Variants in EIF3D observed in about 807,000 individuals in gnomAD.
The protein encoded by EIF3D is eIF3 p66.
Under a neutral mutation model 75.4 loss-of-function variants are expected in EIF3D, and 10 were observed. The observed-to-expected ratio is 0.13, with a 90% CI of 0.08 to 0.22. The LOEUF (loss-of-function observed/expected upper bound fraction) is 0.22. Among genes scored for constraint, EIF3D ranks in the 10% least tolerant of loss-of-function variants. The pLI is 1.00. For synonymous variants in EIF3D, 246 were observed against 248.3 expected (o/e 0.99, Z 0.09); for missense variants, 394 against 708.0 (o/e 0.56, Z 5.03).
intron 10 of EIF3D, 156 bp from the exon 11 acceptor site, chr22:36,516,946 G>T: frequency 1.4e-6 from 1 of 691,228 alleles, no homozygotes; most frequent in Non-Finnish European, 2.6e-6. Flanking sequence ...GTGCCTACTT[G>T]ACCCCTCCCA....
Position 36,526,083 on chromosome 22 carries a change from G to T in EIF3D, c.39C>A (p.Pro13=). The T allele has an allele frequency of 1.9e-6, 3 of 1,612,882 alleles. No individual in the cohort carries two copies. Among genetic ancestry groups the T allele is most frequent in the Non-Finnish European group, 2.5e-6 (3 of 1,179,412 alleles). ...GAACCGCACAGGGACCCCAGCCTGA[G>T]GGGTTGTCCTGGATCACGGGTGTCA... is the stretch of plus-strand genomic sequence containing the variant. ...KFMTPVIQDN[P]SGWGPCAVPE... Residue 13 remains proline (P), a synonymous_variant, in exon 2 of 15, where the codon CCC becomes CCA. Transcript: ENST00000216190.
At chr22:36,513,979 A>G (rs73411751) in intron 12 of EIF3D, among the ~76,000 whole-genome samples, 6,309 of 152,266 alleles carry the variant, frequency 0.041, 444 homozygotes, top group African/African-American at 0.15. Context: ...CAGTTAGGAG[A>G]CAAATGTCAA....
Position 36,525,243 on chromosome 22 carries a change from T to A in EIF3D, c.169+421A>T, listed in dbSNP as rs1029961997. Among the ~76,000 whole-genome samples the A allele has an allele frequency of 7.6e-4, 105 of 138,756 alleles. 2 individuals are homozygous for A. The South Asian group carries it at 0.012, about 15-fold the overall frequency. The allele number at this position is 138,756 out of a possible 152,430, so 91.0% of individuals were successfully genotyped here. ...ATCTTAAAACCAGGGGTTTTACTTT[T>A]TTTTTTTTTTTTTTTTTTGGAGACA... On this transcript the variant is annotated intron_variant, in intron 3 of 14. Coordinates refer to ENST00000216190, the MANE Select transcript of EIF3D (RefSeq NM_003753.4).
chr22:36,513,549 CG>C (rs1603498583), intron 12 of EIF3D, among the ~76,000 whole-genome samples: 2 of 152,254 alleles, frequency 1.3e-5, no homozygotes, highest in East Asian at 3.9e-4. Context: ...GTGATCCACT[CG>C]CCCCGGCCTC....
rs553244127 is a variant in EIF3D, at chr22:36,510,886, T to C, written c.*101A>G. 1 of 1,352,152 alleles carries C rather than the reference T, an allele frequency of 7.4e-7. No individual in the cohort carries two copies. Among genetic ancestry groups the C allele is most frequent in the South Asian group, 1.5e-5 (1 of 66,728 alleles). 83.8% of individuals were successfully genotyped at this position (1,352,152 alleles called of 1,614,324 possible). Reference sequence around the variant, plus strand: ...CTAAACAGATATATATTTTATTTCATCTGCTAAATGTCAGAGAGCAAGTTA... The same window carrying C: ...CTAAACAGATATATATTTTATTTCACCTGCTAAATGTCAGAGAGCAAGTTA... On this transcript the variant is annotated 3_prime_UTR_variant, in exon 15 of 15. Coordinates refer to ENST00000216190, the MANE Select transcript of EIF3D (RefSeq NM_003753.4).
intron 10 of EIF3D, 91 bp downstream of exon 10, chr22:36,517,210 C>T: frequency 6.3e-7 from 1 of 1,580,496 alleles, no homozygotes; most frequent in Non-Finnish European, 8.6e-7. Flanking sequence ...TGCTCAGTCC[C>T]ACAACCAAGA....
intron 10 of EIF3D, 120 bp downstream of exon 10, chr22:36,517,181 G>A: frequency 7.5e-7 from 1 of 1,329,038 alleles, no homozygotes; most frequent in Non-Finnish European, 1.0e-6. Context: ...CCTGCTAAAG[G>A]TGGGGACTGC....
At chr22:36,528,600 T>TGGGGGGG (rs1934645390) in intron 1 of EIF3D, 1 of 128,540 alleles carries the variant, frequency 7.8e-6, no homozygotes, top group African/African-American at 4.3e-5. Context: ...GAACAGGGGG[T>TGGGGGGG]GGGGTAGATT....
chr22:36,517,353 G>C lies in EIF3D; in HGVS notation c.938C>G (p.Ala313Gly). The C allele has an allele frequency of 6.2e-7, 1 of 1,613,914 alleles. No homozygotes were observed. The highest frequency in any genetic ancestry group is 8.5e-7 in the Non-Finnish European group (1 of 1,179,908). ...GNSFNSPRNL[A>G]MEATYINHNF... Reference sequence around the variant, plus strand: ...GTGGTTGATGTAGGTTGCCTCCATGGCCAGGTTGCGGGGTGAATTGAAGGA... The same window carrying C: ...GTGGTTGATGTAGGTTGCCTCCATGCCCAGGTTGCGGGGTGAATTGAAGGA... The change falls in exon 10 of 15, where the codon GCC becomes GGC. Residue 313 changes from alanine to glycine, a missense_variant. Coordinates refer to ENST00000216190, the MANE Select transcript of EIF3D (RefSeq NM_003753.4).
intron 2 of EIF3D, 116 bp downstream of exon 2, chr22:36,525,883 T>G (rs1033521661): frequency 2.7e-6 from 4 of 1,496,040 alleles, no homozygotes; most frequent in Non-Finnish European, 3.6e-6. Flanking sequence ...CTTTCTCAGC[T>G]GGCATCCCTA....
At chr22:36,515,752 A>G (rs542175153) in intron 12 of EIF3D, among the ~76,000 whole-genome samples, 2 of 152,228 alleles carry the variant, frequency 1.3e-5, no homozygotes, top group South Asian at 4.2e-4. Flanking sequence ...AGACCAGAGT[A>G]ACGCGGTAAC....
chr22:36,526,001 T>C lies in EIF3D; in HGVS notation c.121A>G (p.Lys41Glu). 6.2e-7 allele frequency: 1 copy of C among 1,610,512 alleles called. No homozygotes were observed. The highest frequency in any genetic ancestry group is 8.5e-7 in the Non-Finnish European group (1 of 1,178,168). Residue 41 changes from lysine to glutamate, a missense_variant and splice_region_variant, in exon 2 of 15, where the codon AAG (lysine) becomes GAG (glutamate). Physicochemically the swap from Lys to Glu is moderately conservative, Grantham distance 56. Coordinates refer to ENST00000216190, the MANE Select transcript of EIF3D (RefSeq NM_003753.4). ...QPFSKGDRLGKVADWTGATYQ... is the reference protein window; with the variant it reads ...QPFSKGDRLGEVADWTGATYQ... ...GACTCCTGCTGACAGGCATGTACCT[T>C]TCCTAGCCGATCTCCTTTGCTGAAC... is the stretch of plus-strand genomic sequence containing the variant.
In EIF3D at chr22:36,526,059, A is replaced by G; in HGVS notation, c.63T>C (p.Val21=). ...DNPSGWGPCA[V]PEQFRDMPYQ... is the part of the protein sequence containing the mutation. ...AGGGCATATCCCGAAACTGCTCGGG[A>G]ACCGCACAGGGACCCCAGCCTGAGG... is the stretch of plus-strand genomic sequence containing the variant. Residue 21 remains valine, a synonymous_variant, in exon 2 of 15, where the codon GTT becomes GTC. Transcript: ENST00000216190. 6.2e-7 allele frequency: 1 copy of G among 1,613,752 alleles called. No homozygotes were observed.
chr22:36,511,048 T>C (rs199498656), intron 14 of EIF3D, 48 bp from the exon 15 acceptor site: 6 of 1,591,934 alleles, frequency 3.8e-6, no homozygotes, highest in East Asian at 4.5e-5. Context: ...TTGTGTGATA[T>C]GATGTTCACT....
At chr22:36,512,019 T>A (rs1028848759) in intron 13 of EIF3D, among the ~76,000 whole-genome samples, 5 of 151,596 alleles carry the variant, frequency 3.3e-5, no homozygotes, top group African/African-American at 1.2e-4. Context: ...GCCCCCTGAG[T>A]AGCTGGGGCT....
chr22:36,518,759 T>G lies in EIF3D; in HGVS notation c.859+4A>C. ...TTGAGTTGCTCCCCAGGCACGCTTC[T>G]TACCAAAGTCAGAGTTGTCTCTCTT... On this transcript the variant is annotated splice_donor_region_variant and intron_variant, in intron 9 of 14. Coordinates refer to ENST00000216190, the MANE Select transcript of EIF3D (RefSeq NM_003753.4). The G allele has an allele frequency of 6.2e-7, 1 of 1,614,040 alleles. No homozygotes were observed. The highest frequency in any genetic ancestry group is 8.5e-7 in the Non-Finnish European group (1 of 1,180,020).
chr22:36,523,427 G>C, intron 5 of EIF3D, 146 bp from the exon 6 acceptor site: 1 of 673,004 alleles, frequency 1.5e-6, no homozygotes, highest in Non-Finnish European at 2.6e-6. Context: ...GAAAGGAAGA[G>C]ACCCAGACGG....
intron 13 of EIF3D, 41 bp from the exon 14 acceptor site, chr22:36,511,827 A>G: frequency 6.3e-7 from 1 of 1,592,674 alleles, no homozygotes; most frequent in East Asian, 2.3e-5. Context: ...GCAGGGCAGC[A>G]CAGAGACAGC....
At chr22:36,512,378 C>T in intron 13 of EIF3D, 82 bp downstream of exon 13, 1 of 1,562,786 alleles carries the variant, frequency 6.4e-7, no homozygotes, top group Non-Finnish European at 8.7e-7. Flanking sequence ...TTGTCCAGTA[C>T]ACGGGGAGGG....
Sources: gnomAD v4.1 joint callset for allele counts (sites outside exome capture counted in the v4.1 genomes callset) on GRCh38, gnomAD v4.1.1 for gene constraint, MANE v1.5 for transcripts, NCBI Gene and HGNC (gene_info 2026-07-23, HGNC 2026-07-21) for gene names.